The following PSD4 variants were observed in gnomAD, a reference collection of about 807,000 sequenced individuals.
PSD4 encodes the protein pleckstrin and Sec7 domain containing 4.
A neutral mutation model predicts 112.5 loss-of-function variants in PSD4; 59 were observed. The observed-to-expected ratio is 0.52, with a 90% CI of 0.43 to 0.65. The LOEUF (loss-of-function observed/expected upper bound fraction) is 0.65. Among genes scored for constraint, PSD4 ranks in the 30% least tolerant of loss-of-function variants. PSD4 has a pLI of 0.00. For missense variants in PSD4, 1,267 were observed against 1,352.6 expected, an observed-to-expected ratio of 0.94 and a Z score of 0.99; for synonymous variants, 533 against 540.0, an observed-to-expected ratio of 0.99 and a Z score of 0.18.
intron 1 of PSD4, among the ~76,000 whole-genome samples, chr2:113,178,686 G>A (rs192193934): frequency 2.8e-4 from 43 of 152,194 alleles, no homozygotes; most frequent in Non-Finnish European, 4.7e-4. Context: ...GCACGGGAAC[G>A]TTTCTTGCCA....
In PSD4 at chr2:113,192,477, G is replaced by A. The variant is rs1688470975; in HGVS notation, c.1726G>A (p.Asp576Asn). ...GGAAGGCCAGAGACCACCAGCTGGAGACAAGCTAGCTAATGGCGTCAGGAA... is the reference window on the plus strand; with the variant it reads ...GGAAGGCCAGAGACCACCAGCTGGAAACAAGCTAGCTAATGGCGTCAGGAA... Reference protein sequence around the residue: ...PEEGQRPPAGDKLANGVRNNK... With the variant: ...PEEGQRPPAGNKLANGVRNNK... The change falls in exon 6 of 17, where the codon GAC (aspartate) becomes AAC (asparagine). Residue 576 changes from aspartate to asparagine, a missense_variant. Asp to Asn is a conservative substitution (Grantham distance 23). Transcript: ENST00000245796. 1 of 1,614,262 alleles carries A rather than the reference G, an allele frequency of 6.2e-7. No homozygotes were observed. The highest frequency in any genetic ancestry group is 2.2e-5 in the East Asian group (1 of 44,882).
Position 113,177,786 on chromosome 2 carries a change from A to G in PSD4, c.-112+3732A>G, listed in dbSNP as rs45545937. On this transcript the variant is annotated intron_variant, in intron 1 of 16. Coordinates refer to ENST00000245796, the MANE Select transcript of PSD4 (RefSeq NM_012455.3). The stretch of plus-strand genomic sequence containing the variant: ...CAGTGGCGAACAGGAAACATAAAGA[A>G]CCTGCCATCTTGGTGCTTACCTTCT... Among the ~76,000 whole-genome samples the G allele has an allele frequency of 3.1e-3, 471 of 152,334 alleles. 5 individuals carry two copies. The highest frequency in any genetic ancestry group is 0.011 in the African/African-American group (448 of 41,574).
At chr2:113,194,254 A>G (rs1196795934) in intron 10 of PSD4, among the ~76,000 whole-genome samples, 1 of 152,216 alleles carries the variant, frequency 6.6e-6, no homozygotes, top group Non-Finnish European at 1.5e-5. Flanking sequence ...TCAAAGTCTG[A>G]GAAGGGCAAA....
chr2:113,196,877 T>C (rs1688628495), intron 12 of PSD4, among the ~76,000 whole-genome samples: 1 of 152,218 alleles, frequency 6.6e-6, no homozygotes, highest in Admixed American at 6.5e-5. Flanking sequence ...TTGGGCCTTA[T>C]TCCACAGGCA....
chr2:113,192,313 G>T, intron 5 of PSD4, 67 bp from the exon 6 acceptor site: 1 of 1,507,250 alleles, frequency 6.6e-7, no homozygotes, highest in Admixed American at 1.7e-5. Context: ...CGCTGAGCTC[G>T]GGGAACTCTT....
At chr2:113,194,574 A>G (rs950465296) in intron 10 of PSD4, among the ~76,000 whole-genome samples, 2 of 152,240 alleles carry the variant, frequency 1.3e-5, no homozygotes, top group Admixed American at 6.5e-5. Context: ...TGAACATTAT[A>G]GAGTGAACCT....
At chr2:113,198,113 C>A in intron 14 of PSD4, 200 bp downstream of exon 14, 1 of 679,994 alleles carries the variant, frequency 1.5e-6, no homozygotes, top group Non-Finnish European at 2.3e-6. Flanking sequence ...CTACTTCCTC[C>A]CCATCCTTGG....
In PSD4 at chr2:113,182,601, C is replaced by G; in HGVS notation, c.145C>G (p.Gln49Glu). Residue 49 changes from glutamine (Q) to glutamate (E), a missense_variant, in exon 2 of 17, where the codon CAA becomes GAA. Coordinates refer to ENST00000245796, the MANE Select transcript of PSD4 (RefSeq NM_012455.3). ...HEDPPEPFEE[Q>E]TWATDPPEPT... is the part of the protein sequence containing the mutation. The stretch of plus-strand genomic sequence containing the variant: ...GGATCCACCGGAGCCTTTCGAGGAG[C>G]AAACCTGGGCCACTGACCCTCCTGA... 2.5e-6 allele frequency: 4 copies of G among 1,614,138 alleles called. No individual in the cohort carries two copies. Among genetic ancestry groups the G allele is most frequent in the South Asian group, 1.1e-5 (1 of 91,076 alleles).
At position 113,182,398 on chromosome 2, in the gene PSD4, A is replaced by G; in HGVS notation, c.-59A>G. ...GCGGCCAGTGCTCCCCCTAGTCCAC[A>G]CAGTGAGACCGTGAAAGCAGATGCT... On this transcript the variant is annotated 5_prime_UTR_variant, in exon 2 of 17. Transcript: ENST00000245796. The G allele has an allele frequency of 1.4e-6, 2 of 1,458,690 alleles. No individual in the cohort carries two copies. Among genetic ancestry groups the G allele is most frequent in the Non-Finnish European group, 9.3e-7 (1 of 1,071,380 alleles). The allele number at this position is 1,458,690 out of a possible 1,614,324, so 90.4% of individuals were successfully genotyped here.
At chr2:113,185,242 GCTTCTGCCTACT>G (rs1481680480) in intron 3 of PSD4, 111 bp from the exon 4 acceptor site, 2 of 1,542,514 alleles carry the variant, frequency 1.3e-6, no homozygotes, top group Non-Finnish European at 1.8e-6. Context: ...GGATGGAGGG[GCTTCTGCCTACT>G]CATGGCATCC....
rs547859365 is a variant in PSD4, at chr2:113,186,037, G to A, written c.1410G>A (p.Pro470=). Residue 470 remains proline, a synonymous_variant, in exon 5 of 17, where the codon CCG becomes CCA. Coordinates refer to ENST00000245796, the MANE Select transcript of PSD4 (RefSeq NM_012455.3). ...PSPASSQEGS[P]QLQHHSSGIL... ...CTGCATCGTCCCAGGAGGGCAGCCCGCAGCTTCAACACCACAGCTCAGGCA... is the reference window on the plus strand; with the variant it reads ...CTGCATCGTCCCAGGAGGGCAGCCCACAGCTTCAACACCACAGCTCAGGCA... The A allele has an allele frequency of 9.3e-6, 15 of 1,614,234 alleles. No individual in the cohort carries two copies. Among genetic ancestry groups the A allele is most frequent in the East Asian group, 8.9e-5 (4 of 44,890 alleles).
At chr2:113,193,415 G>T (rs1428561898) in intron 8 of PSD4, 45 bp downstream of exon 8, 1 of 1,583,362 alleles carries the variant, frequency 6.3e-7, no homozygotes, top group Admixed American at 1.7e-5. Flanking sequence ...AAACTTTGGG[G>T]TGCCCATGTC....
In PSD4 at chr2:113,185,316, C is replaced by T. The variant is rs772236873; in HGVS notation, c.1174-49C>T. 28 of 1,609,416 alleles carry T rather than the reference C, an allele frequency of 1.7e-5. No homozygotes were observed. The South Asian group carries it at 2.7e-4, about 16-fold the overall frequency. ...CCTGCCTGGCCTCTCCCCCATCCAC[C>T]TCTCTGTGTATCCAGGGCTCATGGG... is the stretch of plus-strand genomic sequence containing the variant. On this transcript the variant is annotated intron_variant, in intron 3 of 16. Coordinates refer to ENST00000245796, the MANE Select transcript of PSD4 (RefSeq NM_012455.3).
chr2:113,205,726 A>G lies in PSD4; in HGVS notation c.*4311A>G, dbSNP rs1301922846. 2 of 152,246 alleles carry G rather than the reference A, an allele frequency of 1.3e-5. No homozygotes were observed. The allele number at this position is 152,246 out of a possible 1,614,324, so 9.4% of individuals were successfully genotyped here. The stretch of plus-strand genomic sequence containing the variant: ...GCACTGTACTATTTGTGTAACTTAT[A>G]TGTAAATCTGAAATTATTTCAAAAT... On this transcript the variant is annotated 3_prime_UTR_variant, in exon 17 of 17. Coordinates refer to ENST00000245796, the MANE Select transcript of PSD4 (RefSeq NM_012455.3).
Position 113,193,379 on chromosome 2 carries a change from G to A in PSD4, c.2032+9G>A, listed in dbSNP as rs1688510657. 2 of 1,607,244 alleles carry A rather than the reference G, an allele frequency of 1.2e-6. No homozygotes were observed. Among genetic ancestry groups the A allele is most frequent in the East Asian group, 2.2e-5 (1 of 44,832 alleles). Reference sequence around the variant, plus strand: ...GATCTTCCCCTCAGTAGGTAGGGAGGGGCTGGCCCTGACAGCAAAGCAGGG... The same window carrying A: ...GATCTTCCCCTCAGTAGGTAGGGAGAGGCTGGCCCTGACAGCAAAGCAGGG... On this transcript the variant is annotated intron_variant, in intron 8 of 16. Transcript: ENST00000245796.
At chr2:113,199,062 C>T (rs1226010165) in intron 15 of PSD4, 21 bp from the exon 16 acceptor site, 5 of 1,520,368 alleles carry the variant, frequency 3.3e-6, no homozygotes, top group African/African-American at 1.4e-5. Flanking sequence ...GACAGCGCCC[C>T]TCACCGCCCG....
chr2:113,196,462 C>T (rs1268772450), intron 12 of PSD4, 155 bp downstream of exon 12: 3 of 982,668 alleles, frequency 3.1e-6, no homozygotes, highest in Non-Finnish European at 4.4e-6. Flanking sequence ...GAACAGTGAC[C>T]ATGTGCTGGA....
chr2:113,194,303 C>T (rs1054861158), intron 10 of PSD4, among the ~76,000 whole-genome samples: 1 of 152,220 alleles, frequency 6.6e-6, no homozygotes, highest in African/African-American at 2.4e-5. Flanking sequence ...GACTTGGGAG[C>T]CTGGTGTTCC....
chr2:113,201,112 C>T lies in PSD4; in HGVS notation c.2914-46C>T, dbSNP rs762586474. The T allele has an allele frequency of 5.1e-6, 8 of 1,560,560 alleles. No individual in the cohort carries two copies. In the African/African-American group the frequency reaches 1.1e-4, roughly 21 times the overall value. ...CCTCACGATTCTAGCCTCCTCCCAA[C>T]CTGGAGCCAGGATGGTGCTAAGGTG... On this transcript the variant is annotated intron_variant, in intron 16 of 16. Transcript: ENST00000245796.
Sources: gnomAD v4.1 joint callset for allele counts (sites outside exome capture counted in the v4.1 genomes callset) on GRCh38, gnomAD v4.1.1 for gene constraint, MANE v1.5 for transcripts, NCBI Gene and HGNC (gene_info 2026-07-23, HGNC 2026-07-21) for gene names.